Variants in PRKAG2 observed in about 807,000 individuals in gnomAD.
PRKAG2 encodes 5'-AMP-activated protein kinase subunit gamma-2.
In PRKAG2, 26 loss-of-function variants were observed where a neutral mutation model predicts 69.6. The ratio of observed to expected loss-of-function variants is 0.37; its 90% CI spans 0.27 to 0.52. PRKAG2 has a LOEUF of 0.52. Among genes scored for constraint, PRKAG2 ranks in the 20% least tolerant of loss-of-function variants. PRKAG2 has a pLI of 0.90. For missense variants in PRKAG2, 557 were observed against 740.0 expected (o/e 0.75, Z 2.87); for synonymous variants, 293 against 285.0 (o/e 1.03, Z -0.28).
At chr7:151,808,196 T>C (rs1001777740) in intron 1 of PRKAG2, among the ~76,000 whole-genome samples, 18 of 152,184 alleles carry the variant, frequency 1.2e-4, no homozygotes, top group Admixed American at 3.3e-4. Flanking sequence ...TTGATTTCAT[T>C]GTCAAGTGCA....
At position 151,710,792 on chromosome 7, in the gene PRKAG2, C is replaced by T. The variant is rs144518770; in HGVS notation, c.467-35155G>A. 3.0e-4 allele frequency among the ~76,000 whole-genome samples: 46 copies of T among 152,356 alleles called. 1 individual carries two copies. The East Asian group carries it at 7.5e-3, about 25-fold the overall frequency. ...CTGCTTGCCCCTACAAGCAAATAGG[C>T]TCCACGAAGCCAGGGACTTTGTTCT... is the stretch of plus-strand genomic sequence containing the variant. On this transcript the variant is annotated intron_variant, in intron 3 of 15. Coordinates refer to ENST00000287878, the MANE Select transcript of PRKAG2 (RefSeq NM_016203.4).
chr7:151,832,649 C>A (rs1309225329), intron 1 of PRKAG2, among the ~76,000 whole-genome samples: 1 of 151,928 alleles, frequency 6.6e-6, no homozygotes. Flanking sequence ...GCGTGAGCCC[C>A]CCGTGCCTGC....
chr7:151,792,561 A>G (rs1270311261), intron 1 of PRKAG2, among the ~76,000 whole-genome samples: 1 of 152,210 alleles, frequency 6.6e-6, no homozygotes, highest in Non-Finnish European at 1.5e-5. Context: ...CCGACCTTCC[A>G]GCGTTTCTGA....
rs1037355728 is a variant in PRKAG2 at position 151,796,653 on chromosome 7, G to A, written c.115-10112C>T. Reference sequence around the variant, plus strand: ...CCAGTTGGAGCTCGGCAAGGACCGCGTCTTTTTCACCCCTGAGTCACCGGC... The same window carrying A: ...CCAGTTGGAGCTCGGCAAGGACCGCATCTTTTTCACCCCTGAGTCACCGGC... On this transcript the variant is annotated intron_variant, in intron 1 of 15. Transcript: ENST00000287878. Among the ~76,000 whole-genome samples the A allele has an allele frequency of 5.3e-5, 8 of 152,076 alleles. 1 individual carries two copies. Among genetic ancestry groups the A allele is most frequent in the South Asian group, 4.1e-4 (2 of 4,822 alleles).
chr7:151,795,445 G>A (rs1418769965), intron 1 of PRKAG2, among the ~76,000 whole-genome samples: 1 of 152,194 alleles, frequency 6.6e-6, no homozygotes, highest in African/African-American at 2.4e-5. Context: ...GCCCCAGCCA[G>A]GGGGCAGGGG....
chr7:151,616,921 G>A (rs909160576), intron 5 of PRKAG2, among the ~76,000 whole-genome samples: 5 of 152,112 alleles, frequency 3.3e-5, no homozygotes, highest in Admixed American at 6.5e-5. Flanking sequence ...CTGGAGATGC[G>A]ACAGGAAAGT....
chr7:151,773,062 G>A (rs181416261), intron 3 of PRKAG2, among the ~76,000 whole-genome samples: 183 of 49,570 alleles, frequency 3.7e-3, no homozygotes, highest in South Asian at 4.6e-3. Flanking sequence ...AGGGAGGGAG[G>A]GAGGGAGGGA....
intron 5 of PRKAG2, among the ~76,000 whole-genome samples, chr7:151,609,220 C>T (rs767205405): frequency 1.3e-5 from 2 of 152,096 alleles, no homozygotes; most frequent in Non-Finnish European, 2.9e-5. Context: ...AACAACTGGA[C>T]AAGTATGTTT....
At chr7:151,830,149 A>C (rs974533921) in intron 1 of PRKAG2, among the ~76,000 whole-genome samples, 1 of 142,356 alleles carries the variant, frequency 7.0e-6, no homozygotes, top group Non-Finnish European at 1.5e-5. Flanking sequence ...CATGCTCACG[A>C]GGGGACACCT....
chr7:151,735,847 G>T (rs574587205), intron 3 of PRKAG2: 2 of 1,534,798 alleles, frequency 1.3e-6, no homozygotes, highest in South Asian at 1.2e-5. Flanking sequence ...CACGCCGTGG[G>T]GTTCCCTCCC....
At chr7:151,573,087 T>C (rs1468906772) in intron 8 of PRKAG2, among the ~76,000 whole-genome samples, 1 of 151,312 alleles carries the variant, frequency 6.6e-6, no homozygotes. Flanking sequence ...CATTCCAGCC[T>C]GGGCAACAGA....
rs112540983 is a variant in PRKAG2 at position 151,775,127 on chromosome 7, G to C, written c.466+6025C>G. 9.9e-3 allele frequency among the ~76,000 whole-genome samples: 1,510 copies of C among 152,352 alleles called. 24 individuals are homozygous for C. Among genetic ancestry groups the C allele is most frequent in the African/African-American group, 0.034 (1,423 of 41,578 alleles). On this transcript the variant is annotated intron_variant, in intron 3 of 15. Coordinates refer to ENST00000287878, the MANE Select transcript of PRKAG2 (RefSeq NM_016203.4). Reference sequence around the variant, plus strand: ...GGCCACGTGTGATGAGGGCATCCTTGCGTGCATGCACACATGCTGGCCAAG... The same window carrying C: ...GGCCACGTGTGATGAGGGCATCCTTCCGTGCATGCACACATGCTGGCCAAG...
At chr7:151,558,670 G>A (rs539151804) in intron 15 of PRKAG2, 29 of 983,032 alleles carry the variant, frequency 3.0e-5, no homozygotes, top group African/African-American at 1.2e-4. Flanking sequence ...TCAACAAATC[G>A]TGTTGTATAC....
rs7790486 is a variant in PRKAG2 at position 151,567,091 on chromosome 7, A to C, written c.1234-1206T>G. Reference sequence around the variant, plus strand: ...TGTGCAACAGCACACTAGCAGAAATAGTTTGGGCTTGGGAGTCAGAGAGAC... The same window carrying C: ...TGTGCAACAGCACACTAGCAGAAATCGTTTGGGCTTGGGAGTCAGAGAGAC... On this transcript the variant is annotated intron_variant, in intron 11 of 15. Coordinates refer to ENST00000287878, the MANE Select transcript of PRKAG2 (RefSeq NM_016203.4). This position sits in a 1 kb window ranked among gnomAD's most constrained non-coding sequence, Gnocchi z 4.2. Among the ~76,000 whole-genome samples the C allele has an allele frequency of 2.0e-5, 3 of 152,172 alleles. No individual in the cohort carries two copies. The highest frequency in any genetic ancestry group is 1.3e-4 in the Admixed American group (2 of 15,280).
chr7:151,589,479 T>C (rs1812525637), intron 6 of PRKAG2, among the ~76,000 whole-genome samples: 1 of 152,240 alleles, frequency 6.6e-6, no homozygotes, highest in South Asian at 2.1e-4. Context: ...ATGCTGAAGC[T>C]GCTAGTCTGG....
intron 3 of PRKAG2, among the ~76,000 whole-genome samples, chr7:151,769,048 G>A (rs534160178): frequency 2.0e-5 from 3 of 152,344 alleles, no homozygotes; most frequent in East Asian, 3.9e-4. Context: ...GAGCAATGAT[G>A]CTATCTGGTT....
chr7:151,861,218 C>T (rs576554990), intron 1 of PRKAG2, among the ~76,000 whole-genome samples: 13 of 152,256 alleles, frequency 8.5e-5, no homozygotes, highest in Non-Finnish European at 1.3e-4. Context: ...AAGGAAATCT[C>T]GTTCAAATTA....
chr7:151,840,702 G>A (rs1392280120), intron 1 of PRKAG2, among the ~76,000 whole-genome samples: 5 of 152,354 alleles, frequency 3.3e-5, no homozygotes, highest in Admixed American at 6.5e-5. Flanking sequence ...GACCTCCGTC[G>A]CCAGAGTGGT....
chr7:151,660,388 A>G (rs908948134), intron 4 of PRKAG2, among the ~76,000 whole-genome samples: 1 of 152,196 alleles, frequency 6.6e-6, no homozygotes. Context: ...TTAGTTTCTT[A>G]AAAGAATCTG....
Sources: gnomAD v4.1 joint callset for allele counts (sites outside exome capture counted in the v4.1 genomes callset) on GRCh38, gnomAD v4.1.1 for gene constraint, Gnocchi (gnomAD v3.1) non-coding constraint, MANE v1.5 for transcripts, NCBI Gene and HGNC (gene_info 2026-07-23, HGNC 2026-07-21) for gene names.